HMGN5: variants seen among roughly 807,000 people sequenced by gnomAD.
The protein encoded by HMGN5 is high mobility group nucleosome binding domain 5.
Under a neutral mutation model 9.5 loss-of-function variants are expected in HMGN5, and 4 were observed. That is an observed-to-expected ratio of 0.42 (90% CI 0.21 to 0.96). The LOEUF (loss-of-function observed/expected upper bound fraction) is 0.96, where lower values mean the gene tolerates loss of function less well. Among genes scored for constraint, HMGN5 ranks in the 40% least tolerant of loss-of-function variants. The pLI, the probability that HMGN5 is intolerant of heterozygous loss-of-function variation, is 0.30. For synonymous variants in HMGN5, 55 were observed against 57.1 expected (o/e 0.96, Z 0.16); for missense variants, 192 against 187.5 (o/e 1.02, Z -0.14).
intron 1 of HMGN5, among the ~76,000 whole-genome samples, chrX:81,179,268 G>A (rs2075453164): frequency 9.0e-6 from 1 of 111,695 alleles, no homozygotes; most frequent in African/African-American, 3.3e-5. Context: ...AATTGTCCCT[G>A]TTTGCACATG....
At chrX:81,198,307 C>CT (rs1280200091) in intron 1 of HMGN5, among the ~76,000 whole-genome samples, 7 of 109,973 alleles carry the variant, frequency 6.4e-5, no homozygotes, top group African/African-American at 1.3e-4. Context: ...AAATTGCTAA[C>CT]TTTTTTTTTA....
chrX:81,201,121 G>C (rs2075525492), intron 1 of HMGN5, among the ~76,000 whole-genome samples: 1 of 110,911 alleles, frequency 9.0e-6, no homozygotes. Context: ...GGCAAAGACA[G>C]TAAACCACTA....
intron 5 of HMGN5, among the ~76,000 whole-genome samples, chrX:81,118,043 T>G (rs2075259226): frequency 9.1e-6 from 1 of 110,162 alleles, no homozygotes; most frequent in African/African-American, 3.3e-5. Flanking sequence ...TAATCTTATA[T>G]ACTTTGCCAA....
At chrX:81,136,321 G>A (rs1460658608) in intron 1 of HMGN5, among the ~76,000 whole-genome samples, 2 of 111,548 alleles carry the variant, frequency 1.8e-5, no homozygotes, top group African/African-American at 3.3e-5. Context: ...TTCCTTGTGA[G>A]TTTATAGTTT....
intron 1 of HMGN5, among the ~76,000 whole-genome samples, chrX:81,192,516 T>C (rs752324877): frequency 5.4e-5 from 6 of 112,078 alleles, no homozygotes; most frequent in Admixed American, 9.5e-5. Context: ...AGACATTTGT[T>C]ATTATTGTTT....
At chrX:81,164,728 C>T (rs745832976) in intron 1 of HMGN5, among the ~76,000 whole-genome samples, 2 of 111,343 alleles carry the variant, frequency 1.8e-5, no homozygotes, top group Admixed American at 1.9e-4. Flanking sequence ...TCTAAGATTT[C>T]TTTCTAATAT....
intron 1 of HMGN5, among the ~76,000 whole-genome samples, chrX:81,158,503 C>T (rs1035058640): frequency 1.2e-4 from 13 of 112,148 alleles, no homozygotes; most frequent in African/African-American, 3.9e-4. Flanking sequence ...CCTTTGCCCA[C>T]TTTTTAATGG....
chrX:81,178,373 G>A (rs1180160773), intron 1 of HMGN5, among the ~76,000 whole-genome samples: 1 of 110,904 alleles, frequency 9.0e-6, no homozygotes, highest in East Asian at 2.8e-4. Context: ...AAGGATAAAG[G>A]GGATATCACC....
At chrX:81,157,544 C>T (rs914074121) in intron 1 of HMGN5, among the ~76,000 whole-genome samples, 34 of 111,412 alleles carry the variant, frequency 3.1e-4, no homozygotes, top group Non-Finnish European at 5.8e-4. Context: ...AACTTTTAAA[C>T]AATGTCTGTC....
chrX:81,149,637 C>T (rs1482053355), intron 1 of HMGN5, among the ~76,000 whole-genome samples: 3 of 111,616 alleles, frequency 2.7e-5, no homozygotes, highest in Admixed American at 1.9e-4. Flanking sequence ...AAATACAAGA[C>T]CCATTGATCT....
intron 5 of HMGN5, among the ~76,000 whole-genome samples, chrX:81,117,445 A>G (rs925230915): frequency 1.8e-5 from 2 of 108,542 alleles, no homozygotes; most frequent in African/African-American, 3.4e-5. Context: ...GTGATTTTCT[A>G]TGTTGCCCAG....
At chrX:81,117,260 G>GC (rs2075256182) in intron 5 of HMGN5, among the ~76,000 whole-genome samples, 1 of 79,864 alleles carries the variant, frequency 1.3e-5, no homozygotes, top group African/African-American at 4.9e-5. Context: ...TTTTTTTTCC[G>GC]TTTTTTTTTT....
intron 1 of HMGN5, among the ~76,000 whole-genome samples, chrX:81,194,505 A>G (rs2075502403): frequency 8.9e-6 from 1 of 111,983 alleles, no homozygotes; most frequent in African/African-American, 3.2e-5. Context: ...AAGATGCACA[A>G]CTTCTTAGTA....
chrX:81,187,829 A>G (rs760190754), intron 1 of HMGN5, among the ~76,000 whole-genome samples: 8 of 110,065 alleles, frequency 7.3e-5, no homozygotes, highest in African/African-American at 2.6e-4. Context: ...CTTTGATTGT[A>G]TGATTTAATT....
intron 1 of HMGN5, among the ~76,000 whole-genome samples, chrX:81,178,944 C>T (rs766943413): frequency 2.7e-5 from 3 of 111,595 alleles, no homozygotes; most frequent in South Asian, 7.5e-4. Context: ...GAACCAATGA[C>T]AAAAACCACA....
chrX:81,133,077 T>C (rs1284541565), intron 1 of HMGN5, among the ~76,000 whole-genome samples: 1 of 111,094 alleles, frequency 9.0e-6, no homozygotes, highest in African/African-American at 3.3e-5. Context: ...AGAAGAAATA[T>C]AGTGGCCAAC....
intron 1 of HMGN5, among the ~76,000 whole-genome samples, chrX:81,164,448 T>A (rs1255888926): frequency 9.0e-6 from 1 of 111,661 alleles, no homozygotes. Context: ...CCCAACTTTG[T>A]TATATTTTGT....
chrX:81,138,795 T>C (rs1205728321), intron 1 of HMGN5, among the ~76,000 whole-genome samples: 8 of 112,032 alleles, frequency 7.1e-5, no homozygotes, highest in African/African-American at 2.3e-4. Flanking sequence ...GTTTGGAAGA[T>C]ACGAAATCAA....
chrX:81,197,201 A>C (rs917930366), intron 1 of HMGN5, among the ~76,000 whole-genome samples: 5 of 112,485 alleles, frequency 4.4e-5, no homozygotes, highest in African/African-American at 1.6e-4. Context: ...CAAGCAATTC[A>C]TTAAAATATG....
Sources: allele counts gnomAD v4.1 joint callset (sites outside exome capture counted in the v4.1 genomes callset), GRCh38; gene constraint gnomAD v4.1.1; transcripts MANE v1.5; gene names NCBI Gene and HGNC (gene_info 2026-07-23, HGNC 2026-07-21).